DPYD: variants seen among roughly 807,000 people sequenced by gnomAD.
The protein encoded by DPYD is dihydropyrimidine dehydrogenase, also known as dihydropyrimidine dehydrogenase [NADP(+)].
Under a neutral mutation model 116.2 loss-of-function variants are expected in DPYD, and 109 were observed. The observed-to-expected ratio is 0.94, with a 90% CI of 0.80 to 1.10. The LOEUF (loss-of-function observed/expected upper bound fraction) is 1.10, where lower values mean the gene tolerates loss of function less well. Among genes scored for constraint, DPYD ranks in the 50% least tolerant of loss-of-function variants. The probability of loss-of-function intolerance (pLI) is 0.00; values close to 1 mark genes in which losing one functional copy is unlikely to be tolerated. For synonymous variants in DPYD, 440 were observed against 432.0 expected (o/e 1.02, Z -0.23); for missense variants, 1,302 against 1,254.5 (o/e 1.04, Z -0.57).
chr1:97,423,226 A>G (rs1674679009), intron 14 of DPYD, among the ~76,000 whole-genome samples: 1 of 152,120 alleles, frequency 6.6e-6, no homozygotes, highest in East Asian at 1.9e-4. Flanking sequence ...TGCTGCCCAT[A>G]TGCCCATTTT....
intron 7 of DPYD, chr1:97,691,474 A>G (rs1330581319): frequency 4.9e-6 from 2 of 407,886 alleles, no homozygotes; most frequent in African/African-American, 2.0e-5. Context: ...TTTGTTTCTT[A>G]CAGACAATTA....
At chr1:97,834,678 T>C (rs1025861067) in intron 2 of DPYD, among the ~76,000 whole-genome samples, 1 of 151,954 alleles carries the variant, frequency 6.6e-6, no homozygotes, top group African/African-American at 2.4e-5. Flanking sequence ...AGCTTTTCTT[T>C]AGGACATAAA....
At chr1:97,855,433 G>T (rs1049992109) in intron 2 of DPYD, 1 of 151,834 alleles carries the variant, frequency 6.6e-6, no homozygotes, top group Non-Finnish European at 1.5e-5. Flanking sequence ...TATGAGATTT[G>T]TCTCATTCAA....
intron 1 of DPYD, among the ~76,000 whole-genome samples, chr1:97,915,041 CA>C (rs1018185359): frequency 2.1e-4 from 32 of 152,096 alleles, no homozygotes; most frequent in Non-Finnish European, 1.5e-4. Context: ...TAAGTGTAAC[CA>C]ATTAAAAAAG....
chr1:97,852,445 T>C (rs1329583256), intron 2 of DPYD, among the ~76,000 whole-genome samples: 1 of 152,116 alleles, frequency 6.6e-6, no homozygotes, highest in Non-Finnish European at 1.5e-5. Flanking sequence ...GCTGGTAGTT[T>C]TCCAAAATTC....
chr1:97,459,274 T>A (rs186870315), intron 13 of DPYD, among the ~76,000 whole-genome samples: 36 of 152,176 alleles, frequency 2.4e-4, no homozygotes, highest in Admixed American at 3.3e-4. Context: ...AAACATGATC[T>A]AGAGGTTAAG....
chr1:97,567,799 AGAGG>A (rs1220670323), intron 11 of DPYD, among the ~76,000 whole-genome samples: 2 of 152,204 alleles, frequency 1.3e-5, no homozygotes, highest in African/African-American at 2.4e-5. Context: ...ACCATTTCTA[AGAGG>A]AAGAACAAAA....
chr1:97,630,404 T>C (rs1037572748), intron 8 of DPYD, among the ~76,000 whole-genome samples: 4 of 152,044 alleles, frequency 2.6e-5, no homozygotes, highest in Non-Finnish European at 5.9e-5. Flanking sequence ...TATTTCTCCA[T>C]GCCTTCTCTC....
chr1:97,545,943 A>G, intron 12 of DPYD: 4 of 1,125,984 alleles, frequency 3.6e-6, no homozygotes, highest in Non-Finnish European at 4.1e-6. Context: ...AGATTGTCAT[A>G]CTCTACTGCA....
intron 18 of DPYD, among the ~76,000 whole-genome samples, chr1:97,273,626 A>G (rs963854709): frequency 1.3e-5 from 2 of 152,198 alleles, no homozygotes; most frequent in East Asian, 3.9e-4. Flanking sequence ...AGGAATATAG[A>G]CATTGTCAAT....
intron 14 of DPYD, among the ~76,000 whole-genome samples, chr1:97,405,173 A>T (rs1352811658): frequency 6.6e-6 from 1 of 152,090 alleles, no homozygotes; most frequent in African/African-American, 2.4e-5. Flanking sequence ...AAGTATACAC[A>T]ATCAAATATA....
chr1:97,393,759 T>C (rs1196757929), intron 14 of DPYD, among the ~76,000 whole-genome samples: 1 of 152,054 alleles, frequency 6.6e-6, no homozygotes, highest in Non-Finnish European at 1.5e-5. Context: ...CATATGTGTG[T>C]ATGTGTCTTT....
intron 1 of DPYD, among the ~76,000 whole-genome samples, chr1:97,888,366 G>C (rs140755918): frequency 2.8e-4 from 43 of 152,080 alleles, no homozygotes; most frequent in African/African-American, 9.4e-4. Context: ...TCAATGATAT[G>C]TGATACACCA....
At chr1:97,527,642 T>G (rs1198549300) in intron 12 of DPYD, among the ~76,000 whole-genome samples, 1 of 152,004 alleles carries the variant, frequency 6.6e-6, no homozygotes, top group Non-Finnish European at 1.5e-5. Flanking sequence ...TCTTTACCAC[T>G]GGTTTCCTCT....
At chr1:97,572,879 C>T (rs1231588588) in intron 11 of DPYD, among the ~76,000 whole-genome samples, 1 of 151,958 alleles carries the variant, frequency 6.6e-6, no homozygotes, top group African/African-American at 2.4e-5. Context: ...TATATCTCTT[C>T]CAACTTCAGA....
chr1:97,883,369 G>C lies in DPYD; in HGVS notation c.45C>G (p.Ile15Met). 3 of 1,602,122 alleles carry C rather than the reference G, an allele frequency of 1.9e-6. No individual in the cohort carries two copies. The highest frequency in any genetic ancestry group is 2.6e-6 in the Non-Finnish European group (3 of 1,169,460). ...TTTGTGTTCGAGGATTTAAAGCCAG[G>C]ATACTCTAAAGACAGCATAAACAAT... ...LSKDSADIES[I>M]LALNPRTQTH... The change falls in exon 2 of 23, where the codon ATC becomes ATG. Residue 15 changes from isoleucine to methionine, a missense_variant. By Grantham distance (10) the Ile-to-Met change is conservative. Coordinates refer to ENST00000370192, the MANE Select transcript of DPYD (RefSeq NM_000110.4).
chr1:97,435,394 T>C (rs1473059983), intron 14 of DPYD, among the ~76,000 whole-genome samples: 1 of 151,956 alleles, frequency 6.6e-6, no homozygotes, highest in Non-Finnish European at 1.5e-5. Flanking sequence ...ATAGTAAAAT[T>C]TTCAGTAAAT....
chr1:97,853,396 A>G (rs1164219900), intron 2 of DPYD, among the ~76,000 whole-genome samples: 2 of 152,196 alleles, frequency 1.3e-5, no homozygotes, highest in African/African-American at 4.8e-5. Flanking sequence ...AAGCAGGTGA[A>G]CTGCTCTGAT....
In DPYD at chr1:97,305,300, G is replaced by A. The variant is rs2101035939; in HGVS notation, c.2258C>T (p.Ala753Val). ...GLKSDGTPWPAVGIAKRTTYG... is the reference protein window; with the variant it reads ...GLKSDGTPWPVVGIAKRTTYG... ...TGTAGTTCGCTTTGCAATCCCCACT[G>A]CTGGCCAAGGTGTGCCATCAGATTT... The change falls in exon 18 of 23, where the codon GCA (alanine) becomes GTA (valine). Residue 753 changes from alanine (A) to valine (V), a missense_variant. By Grantham distance (64) the Ala-to-Val change is moderately conservative (BLOSUM62 0). Coordinates refer to ENST00000370192, the MANE Select transcript of DPYD (RefSeq NM_000110.4). 4.3e-6 allele frequency: 7 copies of A among 1,612,450 alleles called. No individual in the cohort carries two copies. The highest frequency in any genetic ancestry group is 5.9e-6 in the Non-Finnish European group (7 of 1,178,954).
Sources: gnomAD v4.1 joint callset for allele counts (sites outside exome capture counted in the v4.1 genomes callset) on GRCh38, gnomAD v4.1.1 for gene constraint, MANE v1.5 for transcripts, NCBI Gene and HGNC (gene_info 2026-07-23, HGNC 2026-07-21) for gene names.